KDM5A: variants seen among roughly 807,000 people sequenced by gnomAD.
KDM5A encodes the protein lysine-specific demethylase 5A.
In KDM5A, 42 loss-of-function variants were observed where a neutral mutation model predicts 193.5. The observed-to-expected ratio is 0.22, with a 90% CI of 0.17 to 0.28. KDM5A has a LOEUF of 0.28. Ranked by LOEUF, KDM5A falls within the 10% of genes least tolerant of loss-of-function variation. The pLI is 1.00. For missense variants in KDM5A, 1,692 were observed against 2,055.1 expected (o/e 0.82, Z 3.42); for synonymous variants, 796 against 718.1 (o/e 1.11, Z -1.73).
intron 3 of KDM5A, among the ~76,000 whole-genome samples, chr12:379,869 A>T (rs1359812169): frequency 6.6e-6 from 1 of 152,226 alleles, no homozygotes; most frequent in Non-Finnish European, 1.5e-5. Flanking sequence ...ATGGAGTTAA[A>T]CACTCTGGAT....
At chr12:286,891 G>A (rs1943225807) in intron 27 of KDM5A, among the ~76,000 whole-genome samples, 1 of 152,128 alleles carries the variant, frequency 6.6e-6, no homozygotes, top group Admixed American at 6.6e-5. Context: ...AGACAATATT[G>A]TGTTAACATC....
At chr12:298,543 G>A (rs190333464) in intron 24 of KDM5A, among the ~76,000 whole-genome samples, 81 of 152,212 alleles carry the variant, frequency 5.3e-4, no homozygotes, top group Non-Finnish European at 1.1e-3. Flanking sequence ...TCCACCCAAA[G>A]GTCACCAACA....
At chr12:297,302 T>A in intron 24 of KDM5A, 102 bp from the exon 25 acceptor site, 2 of 907,476 alleles carry the variant, frequency 2.2e-6, no homozygotes, top group Non-Finnish European at 3.5e-6. Context: ...TCTAATATAC[T>A]AAAAATATGA....
At chr12:328,107 C>A (rs1266449203) in intron 14 of KDM5A, among the ~76,000 whole-genome samples, 1 of 152,172 alleles carries the variant, frequency 6.6e-6, no homozygotes, top group Non-Finnish European at 1.5e-5. Context: ...TTGACTGCAG[C>A]AATGGTTTCA....
At chr12:363,153 A>G in intron 4 of KDM5A, 56 bp from the exon 5 acceptor site, 1 of 1,605,552 alleles carries the variant, frequency 6.2e-7, no homozygotes, top group East Asian at 2.2e-5. Context: ...ATCATGCTGG[A>G]GAATCAGTGT....
intron 3 of KDM5A, among the ~76,000 whole-genome samples, chr12:382,888 G>T (rs926962510): frequency 6.6e-6 from 1 of 151,410 alleles, no homozygotes; most frequent in Non-Finnish European, 1.5e-5. Context: ...GCCAAGATCA[G>T]GCCATTGCAC....
At chr12:375,790 CT>C in intron 3 of KDM5A, among the ~76,000 whole-genome samples, 1 of 152,234 alleles carries the variant, frequency 6.6e-6, no homozygotes, top group South Asian at 2.1e-4. Flanking sequence ...GTTAGTTTTC[CT>C]TCTAACAGTC....
intron 3 of KDM5A, among the ~76,000 whole-genome samples, chr12:371,217 T>A (rs895992656): frequency 5.9e-5 from 9 of 152,226 alleles, no homozygotes; most frequent in African/African-American, 2.2e-4. Flanking sequence ...GTTGAACTAG[T>A]TTATAGTCCC....
intron 1 of KDM5A, among the ~76,000 whole-genome samples, chr12:387,538 T>C (rs1224383912): frequency 1.3e-5 from 2 of 152,214 alleles, no homozygotes; most frequent in African/African-American, 4.8e-5. Flanking sequence ...CGTATCATCA[T>C]AGCAATTATT....
At chr12:287,819 A>G (rs1019580667) in intron 27 of KDM5A, among the ~76,000 whole-genome samples, 1 of 152,184 alleles carries the variant, frequency 6.6e-6, no homozygotes, top group Non-Finnish European at 1.5e-5. Flanking sequence ...ATGTATCAGT[A>G]TTTGCTACAA....
rs372617248 is a variant in KDM5A at position 354,195 on chromosome 12, T to C, written c.910A>G (p.Asn304Asp). The C allele has an allele frequency of 3.1e-6, 5 of 1,611,862 alleles. No homozygotes were observed. The highest frequency in any genetic ancestry group is 3.4e-6 in the Non-Finnish European group (4 of 1,178,120). Residue 304 changes from asparagine (N) to aspartate (D), a missense_variant, in exon 8 of 28, where the codon AAT (asparagine) becomes GAT (aspartate). By Grantham distance (23) the Asn-to-Asp change is conservative. Transcript: ENST00000399788. Reference protein sequence around the residue: ...YVCMFCGRGNNEDKLLLCDGC... With the variant: ...YVCMFCGRGNDEDKLLLCDGC... ...TCACACAAAAGCAATTTATCTTCAT[T>C]GTTTCCCCGACCACAAAACATACAA... is the stretch of plus-strand genomic sequence containing the variant.
At chr12:312,305 C>G (rs1943597272) in intron 20 of KDM5A, among the ~76,000 whole-genome samples, 1 of 152,038 alleles carries the variant, frequency 6.6e-6, no homozygotes, top group Non-Finnish European at 1.5e-5. Context: ...TATTTTGTAC[C>G]ATAAGTCCTA....
intron 10 of KDM5A, among the ~76,000 whole-genome samples, chr12:346,522 T>C (rs879456950): frequency 4.6e-5 from 7 of 152,234 alleles, no homozygotes; most frequent in Admixed American, 1.3e-4. Context: ...CAATAAAATA[T>C]TGGCAAACCG....
At chr12:293,729 CA>C (rs1183041370) in intron 26 of KDM5A, among the ~76,000 whole-genome samples, 7 of 130,226 alleles carry the variant, frequency 5.4e-5, no homozygotes, top group African/African-American at 1.8e-4. Flanking sequence ...CAGTGAGCCG[CA>C]ATCAATCCAC....
intron 24 of KDM5A, among the ~76,000 whole-genome samples, chr12:298,058 G>A (rs942258927): frequency 6.6e-5 from 10 of 152,224 alleles, no homozygotes; most frequent in African/African-American, 2.4e-4. Context: ...GGGACTTATA[G>A]ATAAAACCCC....
At chr12:375,954 G>A (rs1944497552) in intron 3 of KDM5A, among the ~76,000 whole-genome samples, 1 of 152,238 alleles carries the variant, frequency 6.6e-6, no homozygotes, top group South Asian at 2.1e-4. Flanking sequence ...TTGTCTCAGA[G>A]GGATACCCGG....
chr12:343,529 G>A (rs907905867), intron 10 of KDM5A, among the ~76,000 whole-genome samples: 1 of 152,104 alleles, frequency 6.6e-6, no homozygotes, highest in African/African-American at 2.4e-5. Context: ...ACTTCATATA[G>A]ACAGCTGCCA....
chr12:359,246 A>G (rs1048686450), intron 5 of KDM5A, among the ~76,000 whole-genome samples: 1 of 152,194 alleles, frequency 6.6e-6, no homozygotes, highest in Non-Finnish European at 1.5e-5. Context: ...AGCCCTGACC[A>G]TTTAAAAGAG....
Position 287,644 on chromosome 12 carries a change from GGATA to G in KDM5A, c.4867-1986_4867-1983del, listed in dbSNP as rs553063934. Among the ~76,000 whole-genome samples, 544 of 152,242 alleles carry G rather than the reference GGATA, an allele frequency of 3.6e-3. 2 individuals carry two copies. Among genetic ancestry groups the G allele is most frequent in the African/African-American group, 0.012 (493 of 41,542 alleles). ...CTGTTTGGGACTGGTAAAGGGAACT[GGATA>G]GATAAACTGTGGTTCTCTGTGCTGC... On this transcript the variant is annotated intron_variant, in intron 27 of 27. Coordinates refer to ENST00000399788, the MANE Select transcript of KDM5A (RefSeq NM_001042603.3).
Sources: gnomAD v4.1 joint callset for allele counts (sites outside exome capture counted in the v4.1 genomes callset) on GRCh38, gnomAD v4.1.1 for gene constraint, MANE v1.5 for transcripts, NCBI Gene and HGNC (gene_info 2026-07-23, HGNC 2026-07-21) for gene names.